GSE1: variants seen among roughly 807,000 people sequenced by gnomAD.
GSE1 encodes the protein genetic suppressor element 1.
A neutral mutation model predicts 112.6 loss-of-function variants in GSE1; 32 were observed. The ratio of observed to expected loss-of-function variants is 0.28; its 90% CI spans 0.21 to 0.38. The LOEUF is 0.38. GSE1 is among the 10% of genes least tolerant of loss of function. The pLI is 1.00. For synonymous variants in GSE1, 1,115 were observed against 735.6 expected, an observed-to-expected ratio of 1.52 and a Z score of -8.35; for missense variants, 2,348 against 1,699.2, an observed-to-expected ratio of 1.38 and a Z score of -6.71.
rs150654682 is a variant in GSE1, at chr16:85,566,174, C to T, written c.37+9811C>T. Among the ~76,000 whole-genome samples, 686 of 152,312 alleles carry T rather than the reference C, an allele frequency of 4.5e-3. 2 individuals carry two copies. The highest frequency in any genetic ancestry group is 8.0e-3 in the Non-Finnish European group (543 of 68,028). On this transcript the variant is annotated intron_variant, in intron 1 of 2. Coordinates refer to the GSE1 transcript ENST00000635906. The stretch of plus-strand genomic sequence containing the variant: ...ATTTGGGTTGATAGCTCCCAGCTGT[C>T]ATGCTCCCAGCTGCACGCCGTCCAT...
chr16:85,472,468 C>T (rs61675078), intron 2 of GSE1, among the ~76,000 whole-genome samples: 13,087 of 152,290 alleles, frequency 0.086, 965 homozygotes, highest in African/African-American at 0.2. Flanking sequence ...AAATTTCCTT[C>T]TCAGAAGGAC....
chr16:85,390,589 C>G (rs1468783615), intron 2 of GSE1, among the ~76,000 whole-genome samples: 4 of 152,166 alleles, frequency 2.6e-5, no homozygotes, highest in African/African-American at 4.8e-5. Flanking sequence ...CATCCTGGCT[C>G]TGGCCTCTCC....
intron 1 of GSE1, among the ~76,000 whole-genome samples, chr16:85,249,762 G>T (rs544704926): frequency 2.6e-5 from 4 of 152,338 alleles, no homozygotes; most frequent in Admixed American, 2.0e-4. Flanking sequence ...TGGAGTCGGG[G>T]CTGCCCCTCA....
chr16:85,599,393 T>C (rs1436484158), intron 1 of GSE1, among the ~76,000 whole-genome samples: 1 of 152,252 alleles, frequency 6.6e-6, no homozygotes, highest in African/African-American at 2.4e-5. Flanking sequence ...AGGGGCTACC[T>C]GTGGACAATA....
intron 2 of GSE1, among the ~76,000 whole-genome samples, chr16:85,640,206 C>G (rs2050328552): frequency 6.6e-6 from 1 of 152,088 alleles, no homozygotes; most frequent in Non-Finnish European, 1.5e-5. Flanking sequence ...CTCCTTGTCA[C>G]CAGCCCGGTG....
chr16:85,546,113 C>G (rs901845123), intron 2 of GSE1, among the ~76,000 whole-genome samples: 1 of 149,606 alleles, frequency 6.7e-6, no homozygotes. Flanking sequence ...TTGAGACAGT[C>G]TAGCTCTGTT....
chr16:85,648,655 C>T lies in GSE1; in HGVS notation c.330C>T (p.Val110=), dbSNP rs1598570124. The T allele has an allele frequency of 8.8e-6, 14 of 1,597,096 alleles. No homozygotes were observed. Among genetic ancestry groups the T allele is most frequent in the East Asian group, 2.2e-5 (1 of 44,498 alleles). The stretch of plus-strand genomic sequence containing the variant: ...GCGTGCCCATGGGCCCTATCATCGT[C>T]CCCCCTGGGGGCCACAGCGTGCCCA... ...PKRVPMGPII[V]PPGGHSVPST... Residue 110 remains valine, a synonymous_variant, in exon 3 of 16, where the codon GTC becomes GTT. Coordinates refer to ENST00000253458, the MANE Select transcript of GSE1 (RefSeq NM_014615.5).
chr16:85,381,451 CCTT>C (rs2047544116), intron 2 of GSE1, among the ~76,000 whole-genome samples: 1 of 152,126 alleles, frequency 6.6e-6, no homozygotes, highest in Non-Finnish European at 1.5e-5. Context: ...ACCTGTTTTC[CCTT>C]CTTCTGGGTA....
At chr16:85,417,261 G>A (rs1414336740) in intron 2 of GSE1, among the ~76,000 whole-genome samples, 1 of 152,208 alleles carries the variant, frequency 6.6e-6, no homozygotes, top group Non-Finnish European at 1.5e-5. Context: ...AACCCCACTA[G>A]ATGCCAGTAG....
intron 2 of GSE1, among the ~76,000 whole-genome samples, chr16:85,481,822 T>C (rs2050689176): frequency 6.6e-6 from 1 of 152,218 alleles, no homozygotes; most frequent in East Asian, 1.9e-4. Flanking sequence ...GACCATGTTT[T>C]GGGGCCCAGA....
intron 1 of GSE1, among the ~76,000 whole-genome samples, chr16:85,265,083 C>G (rs994264664): frequency 5.3e-5 from 8 of 152,334 alleles, no homozygotes; most frequent in Middle Eastern, 3.4e-3. Context: ...AACGCGCACT[C>G]TTATCACTGC....
At chr16:85,522,337 C>T (rs1408486361) in intron 2 of GSE1, among the ~76,000 whole-genome samples, 1 of 152,050 alleles carries the variant, frequency 6.6e-6, no homozygotes, top group Non-Finnish European at 1.5e-5. Context: ...TGTCCACAGC[C>T]CAGGGCCCAC....
chr16:85,542,839 G>A (rs1056050207), intron 2 of GSE1, among the ~76,000 whole-genome samples: 3 of 152,204 alleles, frequency 2.0e-5, no homozygotes, highest in Non-Finnish European at 2.9e-5. Flanking sequence ...CTCCCTCCCT[G>A]CAGCAGCTGC....
chr16:85,423,984 TCTC>T (rs138351762), intron 2 of GSE1, among the ~76,000 whole-genome samples: 2,705 of 152,200 alleles, frequency 0.018, 82 homozygotes, highest in African/African-American at 0.062. Flanking sequence ...CACTGCCTGC[TCTC>T]CTCGAGTCCC....
intron 1 of GSE1, among the ~76,000 whole-genome samples, chr16:85,334,014 C>G (rs1326962008): frequency 6.6e-6 from 1 of 152,226 alleles, no homozygotes; most frequent in Non-Finnish European, 1.5e-5. Flanking sequence ...GGGATCAACA[C>G]CGTCTGTCCT....
intron 2 of GSE1, among the ~76,000 whole-genome samples, chr16:85,399,847 G>A (rs1005787728): frequency 1.1e-4 from 16 of 152,172 alleles, no homozygotes; most frequent in East Asian, 3.8e-4. Context: ...TGCGGGCTGC[G>A]GTTATCATGA....
chr16:85,177,410 T>C (rs1199412036), intron 1 of GSE1, among the ~76,000 whole-genome samples: 2 of 152,224 alleles, frequency 1.3e-5, no homozygotes, highest in Admixed American at 6.5e-5. Flanking sequence ...AGAGATGCCA[T>C]GTCTGTCCTC....
chr16:85,408,038 TG>T (rs2048357720), intron 2 of GSE1, among the ~76,000 whole-genome samples: 1 of 43,330 alleles, frequency 2.3e-5, no homozygotes, highest in African/African-American at 1.4e-4. Context: ...AGGGCCCCCC[TG>T]GATAATCCTG....
intron 1 of GSE1, among the ~76,000 whole-genome samples, chr16:85,191,610 G>A (rs4627329): frequency 6.6e-6 from 1 of 152,310 alleles, no homozygotes; most frequent in Middle Eastern, 3.4e-3. Flanking sequence ...ATCAAGTTGA[G>A]ATGGAACTCT....
Sources: gnomAD v4.1 joint callset for allele counts (sites outside exome capture counted in the v4.1 genomes callset) on GRCh38, gnomAD v4.1.1 for gene constraint, MANE v1.5 for transcripts, NCBI Gene and HGNC (gene_info 2026-07-23, HGNC 2026-07-21) for gene names.